Variants in IGSF5 observed in about 807,000 individuals in gnomAD.
The protein encoded by IGSF5 is immunoglobulin superfamily member 5, also known as immunoglobulin superfamily 5 like.
Under a neutral mutation model 39.4 loss-of-function variants are expected in IGSF5, and 41 were observed. That is an observed-to-expected ratio of 1.04 (90% CI 0.81 to 1.35). The LOEUF (loss-of-function observed/expected upper bound fraction) is 1.35, where lower values mean the gene tolerates loss of function less well. Ranked by LOEUF, IGSF5 falls within the 40% of genes most tolerant of loss-of-function variation. IGSF5 has a pLI of 0.00. For synonymous variants in IGSF5, 183 were observed against 175.3 expected, an observed-to-expected ratio of 1.04 and a Z score of -0.34; for missense variants, 487 against 494.6, an observed-to-expected ratio of 0.98 and a Z score of 0.15.
chr21:39,781,568 G>T (rs774092971), intron 5 of IGSF5, among the ~76,000 whole-genome samples: 1 of 152,152 alleles, frequency 6.6e-6, no homozygotes, highest in Non-Finnish European at 1.5e-5. Flanking sequence ...CTCCAGCAAG[G>T]TTGTACAATT....
rs2087029515 is a variant in IGSF5, at chr21:39,801,529, C to G, written c.*172C>G. On this transcript the variant is annotated 3_prime_UTR_variant, in exon 9 of 9. Transcript: ENST00000380588. The stretch of plus-strand genomic sequence containing the variant: ...ACAGTGAGAGAAGGAATCGATTTTC[C>G]CAGAGTTCAAAGTAGAATGTGACTT... The G allele has an allele frequency of 2.1e-6, 1 of 473,736 alleles. No individual in the cohort carries two copies. The highest frequency in any genetic ancestry group is 1.9e-5 in the African/African-American group (1 of 52,100). 29.3% of individuals were successfully genotyped at this position (473,736 alleles called of 1,614,324 possible). A position where few individuals can be genotyped will look rare whatever the true frequency, so the allele number is the denominator to read the frequency against.
intron 8 of IGSF5, among the ~76,000 whole-genome samples, chr21:39,794,508 T>C (rs940424967): frequency 2.6e-5 from 4 of 152,184 alleles, no homozygotes; most frequent in Non-Finnish European, 2.9e-5. Flanking sequence ...TTTGCTGATA[T>C]AGAGTCAGCA....
chr21:39,785,543 CTT>C (rs2080196297), intron 5 of IGSF5, among the ~76,000 whole-genome samples: 1 of 152,042 alleles, frequency 6.6e-6, no homozygotes, highest in Non-Finnish European at 1.5e-5. Flanking sequence ...GATGTGGGCT[CTT>C]TTTTGGTTCC....
intron 2 of IGSF5, among the ~76,000 whole-genome samples, chr21:39,765,117 C>A (rs60484104): frequency 6.6e-6 from 1 of 152,184 alleles, no homozygotes; most frequent in African/African-American, 2.4e-5. Context: ...CTGCAGGCCT[C>A]TGTGTCTCAA....
rs2837225 is a variant in IGSF5 at position 39,793,535 on chromosome 21, C to A, written c.1050C>A (p.Asp350Glu). The A allele has an allele frequency of 0.32, 518,946 of 1,609,750 alleles. 89,399 individuals carry two copies. The highest frequency in any genetic ancestry group is 0.55 in the Admixed American group (32,684 of 59,924). ...GYNSDEQKTT[D>E]TASLPPKSCE... ...TCTAAAATTGTTCTTCTGTTGCAGA[C>A]ACCGCTTCTCTCCCTCCCAAATCCT... Residue 350 changes from aspartate (D) to glutamate (E), a missense_variant and splice_region_variant, in exon 8 of 9, where the codon GAC (aspartate) becomes GAA (glutamate). By Grantham distance (45) the Asp-to-Glu change is conservative (BLOSUM62 2). Coordinates refer to ENST00000380588, the MANE Select transcript of IGSF5 (RefSeq NM_001080444.2).
At chr21:39,779,402 T>G in intron 5 of IGSF5, 97 bp downstream of exon 5, 2 of 1,408,348 alleles carry the variant, frequency 1.4e-6, no homozygotes, top group African/African-American at 2.8e-5. Context: ...AAAGATAGAT[T>G]AACTACAATA....
rs2080072800 is a variant in IGSF5, at chr21:39,763,860, C to A, written c.101-1675C>A. On this transcript the variant is annotated intron_variant, in intron 2 of 8. Coordinates refer to ENST00000380588, the MANE Select transcript of IGSF5 (RefSeq NM_001080444.2). ...GGGCATTGCGGCTTCCCTGGGGGAACTGTTTTCAAATTCCATTTCTCACGC... is the reference window on the plus strand; with the variant it reads ...GGGCATTGCGGCTTCCCTGGGGGAAATGTTTTCAAATTCCATTTCTCACGC... Among the ~76,000 whole-genome samples, 3 of 152,284 alleles carry A rather than the reference C, an allele frequency of 2.0e-5. No homozygotes were observed. The South Asian group carries it at 6.2e-4, about 32-fold the overall frequency.
the IGSF5 span, among the ~76,000 whole-genome samples, chr21:39,712,558 G>A: frequency 1.3e-5 from 2 of 152,108 alleles, no homozygotes; most frequent in African/African-American, 2.4e-5. Context: ...GTGGCTTGCA[G>A]GTTGGGTATT....
At chr21:39,757,842 G>A (rs2080039904) in intron 2 of IGSF5, among the ~76,000 whole-genome samples, 1 of 152,150 alleles carries the variant, frequency 6.6e-6, no homozygotes. Flanking sequence ...CTCCCAAAGT[G>A]TTGGAATTAC....
At chr21:39,755,586 CA>C (rs11331220) in intron 2 of IGSF5, among the ~76,000 whole-genome samples, 69,359 of 133,802 alleles carry the variant, frequency 0.52, 17,531 homozygotes, top group South Asian at 0.72. Flanking sequence ...GACTCCATCT[CA>C]AAAAAAAAAA....
chr21:39,789,181 G>T (rs888867942), intron 6 of IGSF5, among the ~76,000 whole-genome samples: 61 of 138,022 alleles, frequency 4.4e-4, no homozygotes, highest in Non-Finnish European at 9.1e-4. Flanking sequence ...GTTCACCATT[G>T]TTGACTGTGC....
intron 2 of IGSF5, among the ~76,000 whole-genome samples, chr21:39,747,949 AAAC>A (rs1208475283): frequency 6.7e-6 from 1 of 149,384 alleles, no homozygotes. Context: ...GCAAAAAAAA[AAAC>A]AACCGATTCC....
intron 7 of IGSF5, among the ~76,000 whole-genome samples, chr21:39,792,804 G>A (rs1012717341): frequency 2.0e-5 from 3 of 152,126 alleles, no homozygotes; most frequent in Non-Finnish European, 2.9e-5. Flanking sequence ...ACATCACCAG[G>A]AAGCAGCAGC....
At chr21:39,775,546 T>G (rs2080135425) in intron 4 of IGSF5, among the ~76,000 whole-genome samples, 2 of 152,210 alleles carry the variant, frequency 1.3e-5, no homozygotes. Flanking sequence ...TGAGAGCATC[T>G]GGGAAATGCT....
At chr21:39,780,367 T>A (rs1004410229) in intron 5 of IGSF5, among the ~76,000 whole-genome samples, 1 of 152,216 alleles carries the variant, frequency 6.6e-6, no homozygotes, top group Non-Finnish European at 1.5e-5. Context: ...AAGATCTTCA[T>A]GCTCTTGAAA....
At chr21:39,726,370 G>C in the IGSF5 span, among the ~76,000 whole-genome samples, 2 of 152,196 alleles carry the variant, frequency 1.3e-5, no homozygotes, top group Non-Finnish European at 2.9e-5. Context: ...GTCTACAAAG[G>C]CTGGGATAGT....
chr21:39,724,074 AAATAAAAT>A, the IGSF5 span, among the ~76,000 whole-genome samples: 3 of 20,726 alleles, frequency 1.4e-4, no homozygotes, highest in East Asian at 2.5e-3. Context: ...TCAAAAAATA[AAATAAAAT>A]AAAATAAAAT....
the IGSF5 span, among the ~76,000 whole-genome samples, chr21:39,738,673 G>A: frequency 6.6e-5 from 10 of 152,046 alleles, no homozygotes; most frequent in Non-Finnish European, 1.5e-4. The surrounding 1 kb of genome is among the most constrained non-coding windows in gnomAD (Gnocchi z 6.4). Context: ...AAAGGGGTTT[G>A]GGCTTCTAGG....
At chr21:39,752,049 G>T (rs1378135543) in intron 2 of IGSF5, among the ~76,000 whole-genome samples, 1 of 151,970 alleles carries the variant, frequency 6.6e-6, no homozygotes, top group Non-Finnish European at 1.5e-5. Flanking sequence ...AGTTTTTGGG[G>T]TACTGGTGGT....
Sources: allele counts gnomAD v4.1 joint callset (sites outside exome capture counted in the v4.1 genomes callset), GRCh38; gene constraint gnomAD v4.1.1; non-coding constraint Gnocchi (gnomAD v3.1); transcripts MANE v1.5; gene names NCBI Gene and HGNC (gene_info 2026-07-23, HGNC 2026-07-21).